INTS6: variants seen among roughly 807,000 people sequenced by gnomAD.
INTS6 encodes the protein DEAD box protein.
In INTS6, 16 loss-of-function variants were observed where a neutral mutation model predicts 104.9. The ratio of observed to expected loss-of-function variants is 0.15; its 90% CI spans 0.10 to 0.23. The LOEUF (loss-of-function observed/expected upper bound fraction) is 0.23. Among genes scored for constraint, INTS6 ranks in the 10% least tolerant of loss-of-function variants. The pLI is 1.00. For missense variants in INTS6, 584 were observed against 1,062.8 expected (o/e 0.55, Z 6.26); for synonymous variants, 324 against 358.7 (o/e 0.90, Z 1.09).
chr13:51,415,784 T>C (rs750231340), intron 4 of INTS6, among the ~76,000 whole-genome samples: 2 of 152,210 alleles, frequency 1.3e-5, no homozygotes, highest in Non-Finnish European at 2.9e-5. Context: ...CCAAGCCTTT[T>C]AGGCCAAATA....
At chr13:51,357,176 C>G (rs1475270511), downstream of INTS6, among the ~76,000 whole-genome samples, 1 of 152,126 alleles carries the variant, frequency 6.6e-6, no homozygotes, top group Non-Finnish European at 1.5e-5. Flanking sequence ...GATTGCCAAC[C>G]AAATTATTGC....
chr13:51,443,880 TAAAC>T (rs1287055842), intron 3 of INTS6: 5 of 152,154 alleles, frequency 3.3e-5, no homozygotes, highest in African/African-American at 7.2e-5. Context: ...CATGACTAAA[TAAAC>T]AATCCTTTTA....
Position 51,441,824 on chromosome 13 carries a change from C to CTT in INTS6, c.339+9199_339+9200dup, listed in dbSNP as rs67702309. 395 of 143,052 alleles carry CTT rather than the reference C, an allele frequency of 2.8e-3. 7 individuals carry two copies. In the East Asian group the frequency reaches 0.044, roughly 16 times the overall value. The allele number at this position is 143,052 out of a possible 1,614,324, so 8.9% of individuals were successfully genotyped here. On this transcript the variant is annotated intron_variant, in intron 3 of 17. Coordinates refer to ENST00000311234, the MANE Select transcript of INTS6 (RefSeq NM_012141.3). ...GTCCCCAGGCCTCCCCACCTCCAGC[C>CTT]TTTTTTTTTTTTTTGAGACAGATTC...
chr13:51,426,932 A>T (rs1424399044), intron 4 of INTS6, among the ~76,000 whole-genome samples: 1 of 152,148 alleles, frequency 6.6e-6, no homozygotes, highest in Non-Finnish European at 1.5e-5. Flanking sequence ...AGATTTTGGC[A>T]GTAACAAATG....
intron 4 of INTS6, among the ~76,000 whole-genome samples, chr13:51,408,176 T>C (rs547411703): frequency 1.3e-4 from 19 of 148,968 alleles, no homozygotes; most frequent in South Asian, 8.5e-4. Flanking sequence ...GGAGTTTCGC[T>C]CTTGTTGCCC....
the INTS6 span, chr13:51,344,563 G>T: frequency 8.3e-7 from 1 of 1,205,528 alleles, no homozygotes; most frequent in Non-Finnish European, 1.2e-6. Flanking sequence ...ACTTGTCAGA[G>T]GCCATGGTGC....
At chr13:51,406,366 C>T (rs1415392381) in intron 4 of INTS6, among the ~76,000 whole-genome samples, 1 of 152,026 alleles carries the variant, frequency 6.6e-6, no homozygotes, top group African/African-American at 2.4e-5. Context: ...TTCCTCTACC[C>T]AAAATGGTCC....
At chr13:51,395,634 C>T (rs1956321586) in intron 4 of INTS6, 151 bp from the exon 5 acceptor site, 1 of 650,880 alleles carries the variant, frequency 1.5e-6, no homozygotes, top group South Asian at 2.3e-5. Flanking sequence ...TCAGACATAG[C>T]TAAAACAGCA....
Position 51,423,867 on chromosome 13 carries a change from T to C in INTS6, c.429+6427A>G, listed in dbSNP as rs115713638. On this transcript the variant is annotated intron_variant, in intron 4 of 17. Coordinates refer to ENST00000311234, the MANE Select transcript of INTS6 (RefSeq NM_012141.3). ...TAGCTTAAAAAAAATTGTGGTTAGATTGTGTTCTAAAACTATAGTTTCTAA... is the reference window on the plus strand; with the variant it reads ...TAGCTTAAAAAAAATTGTGGTTAGACTGTGTTCTAAAACTATAGTTTCTAA... 5.9e-5 allele frequency among the ~76,000 whole-genome samples: 9 copies of C among 152,174 alleles called. No homozygotes were observed. In the East Asian group the frequency reaches 1.5e-3, roughly 26 times the overall value.
At chr13:51,415,635 A>G (rs1389345554) in intron 4 of INTS6, among the ~76,000 whole-genome samples, 1 of 147,002 alleles carries the variant, frequency 6.8e-6, no homozygotes, top group East Asian at 2.0e-4. Flanking sequence ...AGCCATGTAG[A>G]ACTTTAAGTC....
rs373438323 is a variant in INTS6, at chr13:51,430,273, T to C, written c.429+21A>G. 46 of 1,595,418 alleles carry C rather than the reference T, an allele frequency of 2.9e-5. 1 individual carries two copies. The Admixed American group carries it at 7.0e-4, about 24-fold the overall frequency. On this transcript the variant is annotated intron_variant, in intron 4 of 17. Coordinates refer to ENST00000311234, the MANE Select transcript of INTS6 (RefSeq NM_012141.3). ...TGTTCAACTGCATTTGCATAATCCA[T>C]GTAATATAAGCACAACTTACCTCAT...
At chr13:51,366,814 T>C (rs1214107772) in intron 17 of INTS6, among the ~76,000 whole-genome samples, 1 of 151,998 alleles carries the variant, frequency 6.6e-6, no homozygotes, top group Admixed American at 6.6e-5. Context: ...ATGTGTAGCA[T>C]AGAAGAGACA....
In INTS6 at chr13:51,369,200, A is replaced by T. The variant is rs1955753891; in HGVS notation, c.2215T>A (p.Ser739Thr). 6.2e-7 allele frequency: 1 copy of T among 1,613,746 alleles called. No individual in the cohort carries two copies. Among genetic ancestry groups the T allele is most frequent in the Admixed American group, 1.7e-5 (1 of 59,962 alleles). ...PNAMDTEFSA[S>T]SPASLLERPT... Reference sequence around the variant, plus strand: ...CGTTCCAGTAAACTGGCTGGAGAAGATGCTGAAAATTCCGTATCCATAGCA... The same window carrying T: ...CGTTCCAGTAAACTGGCTGGAGAAGTTGCTGAAAATTCCGTATCCATAGCA... The change falls in exon 16 of 18, where the codon TCT (serine) becomes ACT (threonine). Residue 739 changes from serine to threonine, a missense_variant. Physicochemically the swap from Ser to Thr is moderately conservative, Grantham distance 58. Around this residue, in one of 5 missense-constraint regions of INTS6, gnomAD observed 296 missense variants for 437.0 expected, o/e 0.68. Coordinates refer to ENST00000311234, the MANE Select transcript of INTS6 (RefSeq NM_012141.3).
chr13:51,407,186 T>C (rs1956585486), intron 4 of INTS6, among the ~76,000 whole-genome samples: 1 of 152,202 alleles, frequency 6.6e-6, no homozygotes, highest in Admixed American at 6.5e-5. Context: ...GGCTCTCCAA[T>C]GACCTCCTTG....
the INTS6 span, among the ~76,000 whole-genome samples, chr13:51,337,889 C>A: frequency 6.6e-6 from 1 of 152,154 alleles, no homozygotes; most frequent in Non-Finnish European, 1.5e-5. Context: ...TAGAAATAAA[C>A]ATGATAATCT....
intron 5 of INTS6, among the ~76,000 whole-genome samples, chr13:51,392,016 G>T (rs190426897): frequency 9.9e-5 from 15 of 152,120 alleles, no homozygotes; most frequent in African/African-American, 3.6e-4. Context: ...GAACCATCCT[G>T]GATTGCTTCT....
In INTS6 at chr13:51,361,831, C is replaced by T; in HGVS notation, c.*3921G>A. ...GCAGCTCTGTTGTTATTGAAAAGGT[C>T]TCGGATTCCTATTTTTAAAGCAGAT... On this transcript the variant is annotated 3_prime_UTR_variant, in exon 18 of 18. Transcript: ENST00000311234. The T allele has an allele frequency of 1.9e-6, 3 of 1,610,030 alleles. No individual in the cohort carries two copies. Among genetic ancestry groups the T allele is most frequent in the Non-Finnish European group, 1.7e-6 (2 of 1,178,162 alleles).
intron 3 of INTS6, chr13:51,438,942 T>C (rs1460840967): frequency 6.6e-6 from 1 of 152,234 alleles, no homozygotes; most frequent in Non-Finnish European, 1.5e-5. Context: ...CAATTCCTTA[T>C]TTAAAATAGT....
Position 51,451,897 on chromosome 13 carries a change from G to A in INTS6, c.189+81C>T, listed in dbSNP as rs956963910. On this transcript the variant is annotated intron_variant, in intron 2 of 17. Transcript: ENST00000311234. ...GGTGGGGGAGGGGAGCATAATGAAG[G>A]GTGAATGGGGGGGCGGGGAGGGCGA... is the stretch of plus-strand genomic sequence containing the variant. 63 of 976,340 alleles carry A rather than the reference G, an allele frequency of 6.5e-5. No individual in the cohort carries two copies. The African/African-American group carries it at 9.3e-4, about 14-fold the overall frequency. 60.5% of individuals were successfully genotyped at this position (976,340 alleles called of 1,614,324 possible).
Sources: allele counts gnomAD v4.1 joint callset (sites outside exome capture counted in the v4.1 genomes callset), GRCh38; gene constraint gnomAD v4.1.1; regional missense constraint gnomAD v4.1.1; transcripts MANE v1.5; gene names NCBI Gene and HGNC (gene_info 2026-07-23, HGNC 2026-07-21).